The following WWOX variants were observed in gnomAD, a reference collection of about 807,000 sequenced individuals.
The protein encoded by WWOX is WW domain containing oxidoreductase.
In WWOX, 69 loss-of-function variants were observed where a neutral mutation model predicts 46.2. The ratio of observed to expected loss-of-function variants is 1.49; its 90% CI spans 1.23 to 1.82. The LOEUF (loss-of-function observed/expected upper bound fraction) is 1.82. WWOX is among the 40% of genes most tolerant of loss of function. The probability of loss-of-function intolerance (pLI) is 0.00; values close to 1 mark genes in which losing one functional copy is unlikely to be tolerated. For missense variants in WWOX, 919 were observed against 542.6 expected (o/e 1.69, Z -6.89); for synonymous variants, 359 against 202.6 (o/e 1.77, Z -6.56).
At chr16:78,308,283 A>G (rs1459564534) in intron 5 of WWOX, among the ~76,000 whole-genome samples, 3 of 152,210 alleles carry the variant, frequency 2.0e-5, no homozygotes, top group Non-Finnish European at 4.4e-5. Flanking sequence ...TCCCCAAGCA[A>G]CTGAATGGAT....
chr16:78,250,802 C>T (rs905368389), intron 5 of WWOX, among the ~76,000 whole-genome samples: 4 of 152,104 alleles, frequency 2.6e-5, no homozygotes, highest in African/African-American at 9.7e-5. Context: ...GCAGGAAAAC[C>T]ATAACCACCT....
chr16:79,104,352 C>G (rs7200794), intron 8 of WWOX, among the ~76,000 whole-genome samples: 1 of 152,070 alleles, frequency 6.6e-6, no homozygotes, highest in Non-Finnish European at 1.5e-5. Context: ...TTCAAAATTA[C>G]AATGAAAACT....
intron 8 of WWOX, among the ~76,000 whole-genome samples, chr16:79,114,275 A>G (rs2049469806): frequency 6.6e-6 from 1 of 151,976 alleles, no homozygotes; most frequent in South Asian, 2.1e-4. Flanking sequence ...GATGTCATCA[A>G]ATTAATGTGA....
chr16:79,149,441 G>T (rs2050237473), intron 8 of WWOX, among the ~76,000 whole-genome samples: 1 of 152,094 alleles, frequency 6.6e-6, no homozygotes, highest in Non-Finnish European at 1.5e-5. Context: ...CTAACATTTT[G>T]TGGATAGCTC....
chr16:79,107,421 A>G (rs756418890), intron 8 of WWOX, among the ~76,000 whole-genome samples: 1 of 152,156 alleles, frequency 6.6e-6, no homozygotes, highest in Non-Finnish European at 1.5e-5. Context: ...TTTTGTTCTC[A>G]TCCTTGCTGT....
chr16:78,966,335 C>T (rs944833553), intron 8 of WWOX, among the ~76,000 whole-genome samples: 2 of 152,120 alleles, frequency 1.3e-5, no homozygotes, highest in Non-Finnish European at 2.9e-5. Flanking sequence ...GTGCTTCTTT[C>T]CGTTTACTGT....
At chr16:78,178,426 G>C (rs1297626489) in intron 5 of WWOX, among the ~76,000 whole-genome samples, 2 of 152,208 alleles carry the variant, frequency 1.3e-5, no homozygotes, top group Non-Finnish European at 2.9e-5. Flanking sequence ...TTTTATTCTA[G>C]AGCGTCTTTC....
At chr16:78,121,666 GTT>G (rs58400596) in intron 4 of WWOX, among the ~76,000 whole-genome samples, 1,748 of 145,132 alleles carry the variant, frequency 0.012, 24 homozygotes, top group African/African-American at 0.042. Flanking sequence ...TGGTGTTTCA[GTT>G]TTTTTTTTTT....
intron 5 of WWOX, among the ~76,000 whole-genome samples, chr16:78,290,221 TAGAG>T (rs1261209944): frequency 6.6e-6 from 1 of 152,134 alleles, no homozygotes; most frequent in Non-Finnish European, 1.5e-5. Context: ...AACATTTACT[TAGAG>T]AGCACTCTGC....
At chr16:78,765,252 G>A (rs2049900062) in intron 8 of WWOX, among the ~76,000 whole-genome samples, 1 of 152,252 alleles carries the variant, frequency 6.6e-6, no homozygotes, top group African/African-American at 2.4e-5. Flanking sequence ...TCCAGGAAGT[G>A]TCAGGAATGA....
At chr16:78,647,202 T>A (rs1346080843) in intron 8 of WWOX, among the ~76,000 whole-genome samples, 2 of 152,210 alleles carry the variant, frequency 1.3e-5, no homozygotes, top group East Asian at 3.9e-4. Context: ...CATGAGTCAC[T>A]TGCTACTGTG....
intron 8 of WWOX, among the ~76,000 whole-genome samples, chr16:78,671,092 G>C (rs953385757): frequency 6.6e-6 from 1 of 152,164 alleles, no homozygotes; most frequent in Non-Finnish European, 1.5e-5. Flanking sequence ...CAGACACTCA[G>C]ATTTCAAACC....
At chr16:78,842,163 C>T (rs185596785) in intron 8 of WWOX, among the ~76,000 whole-genome samples, 92 of 152,010 alleles carry the variant, frequency 6.1e-4, no homozygotes, top group East Asian at 1.9e-3. Context: ...CATTTTCAAC[C>T]GATTCAGCAG....
At chr16:78,338,512 TAC>T (rs2080943766) in intron 5 of WWOX, among the ~76,000 whole-genome samples, 1 of 121,900 alleles carries the variant, frequency 8.2e-6, no homozygotes. Flanking sequence ...AAAATATTCT[TAC>T]AGAGAGAAAT....
intron 8 of WWOX, among the ~76,000 whole-genome samples, chr16:79,102,481 G>T (rs2049221482): frequency 6.6e-6 from 1 of 152,230 alleles, no homozygotes; most frequent in South Asian, 2.1e-4. Flanking sequence ...AATGCCTGCT[G>T]TCTGTCGCAT....
intron 8 of WWOX, among the ~76,000 whole-genome samples, chr16:78,755,320 G>C (rs892686199): frequency 6.6e-6 from 1 of 152,064 alleles, no homozygotes; most frequent in Admixed American, 6.5e-5. Flanking sequence ...AGAATGTCTT[G>C]TACATTTCGA....
intron 8 of WWOX, among the ~76,000 whole-genome samples, chr16:79,020,379 A>C (rs1334164660): frequency 6.6e-6 from 1 of 152,170 alleles, no homozygotes; most frequent in African/African-American, 2.4e-5. Flanking sequence ...CGGCTCTGCC[A>C]CTTGCTATAA....
intron 8 of WWOX, among the ~76,000 whole-genome samples, chr16:79,009,631 G>T (rs1280334180): frequency 6.6e-6 from 1 of 152,110 alleles, no homozygotes; most frequent in African/African-American, 2.4e-5. Flanking sequence ...TTGTATTTTT[G>T]GTAAAGACAA....
intron 8 of WWOX, among the ~76,000 whole-genome samples, chr16:79,002,698 G>T (rs142727390): frequency 1.7e-4 from 26 of 152,278 alleles, no homozygotes; most frequent in African/African-American, 6.0e-4. Context: ...CAGAGGGACT[G>T]TGCCTATTCC....
Sources: gnomAD v4.1 joint callset for allele counts (sites outside exome capture counted in the v4.1 genomes callset) on GRCh38, gnomAD v4.1.1 for gene constraint, MANE v1.5 for transcripts, NCBI Gene and HGNC (gene_info 2026-07-23, HGNC 2026-07-21) for gene names.